NEO1: variants seen among roughly 807,000 people sequenced by gnomAD.
NEO1 encodes the protein neogenin 1, also known as neogenin.
A neutral mutation model predicts 159.7 loss-of-function variants in NEO1; 63 were observed. That is an observed-to-expected ratio of 0.39 (90% CI 0.32 to 0.49). NEO1 has a LOEUF of 0.49. Among genes scored for constraint, NEO1 ranks in the 20% least tolerant of loss-of-function variants. The probability of loss-of-function intolerance (pLI) is 0.85; values close to 1 mark genes in which losing one functional copy is unlikely to be tolerated. For synonymous variants in NEO1, 633 were observed against 662.0 expected, an observed-to-expected ratio of 0.96 and a Z score of 0.67; for missense variants, 1,615 against 1,831.0, an observed-to-expected ratio of 0.88 and a Z score of 2.15.
At chr15:73,078,556 G>A (rs1239752540) in intron 1 of NEO1, among the ~76,000 whole-genome samples, 1 of 152,186 alleles carries the variant, frequency 6.6e-6, no homozygotes, top group Non-Finnish European at 1.5e-5. Flanking sequence ...CTAAATAAGA[G>A]GTCTAACACA....
intron 2 of NEO1, among the ~76,000 whole-genome samples, chr15:73,121,212 C>T (rs983924966): frequency 6.6e-6 from 1 of 152,114 alleles, no homozygotes; most frequent in African/African-American, 2.4e-5. Context: ...GCAGAGTACC[C>T]GCCTGTCCTC....
chr15:73,187,928 T>C (rs746416306), intron 7 of NEO1, among the ~76,000 whole-genome samples: 1 of 152,216 alleles, frequency 6.6e-6, no homozygotes, highest in Admixed American at 6.5e-5. Context: ...GCAATGCTAA[T>C]GAACACAAAT....
Position 73,272,471 on chromosome 15 carries a change from C to A in NEO1, c.2874C>A (p.Pro958=), listed in dbSNP as rs1269462064. ...TTFELVPTSP[P]KDVTVVSKEG... ...ATTTTGTAGTTCCGACTTCTCCACC[C>A]AAGGATGTGACTGTTGTGAGTAAAG... Residue 958 remains proline (P), a synonymous_variant, in exon 19 of 29, where the codon CCC becomes CCA. Coordinates refer to ENST00000261908, the MANE Select transcript of NEO1 (RefSeq NM_002499.4). 1 of 1,613,332 alleles carries A rather than the reference C, an allele frequency of 6.2e-7. No homozygotes were observed. Among genetic ancestry groups the A allele is most frequent in the East Asian group, 2.2e-5 (1 of 44,882 alleles).
intron 7 of NEO1, among the ~76,000 whole-genome samples, chr15:73,185,785 C>T (rs887609228): frequency 2.6e-5 from 4 of 151,982 alleles, no homozygotes; most frequent in Admixed American, 1.3e-4. Flanking sequence ...TACAATGGAA[C>T]GTCATTCATT....
At chr15:73,230,632 C>T (rs939824019) in intron 7 of NEO1, among the ~76,000 whole-genome samples, 1 of 152,080 alleles carries the variant, frequency 6.6e-6, no homozygotes, top group Non-Finnish European at 1.5e-5. Context: ...TCACAATCAC[C>T]CAGGCTGGAC....
intron 1 of NEO1, among the ~76,000 whole-genome samples, chr15:73,113,137 T>G (rs1470230450): frequency 6.6e-6 from 1 of 151,156 alleles, no homozygotes; most frequent in Non-Finnish European, 1.5e-5. Flanking sequence ...ACAAGTGGAG[T>G]CCCTTTACTT....
At chr15:73,269,750 CATTTTA>C (rs948327504) in intron 16 of NEO1, among the ~76,000 whole-genome samples, 2 of 152,104 alleles carry the variant, frequency 1.3e-5, no homozygotes, top group Non-Finnish European at 2.9e-5. Flanking sequence ...TGGATTATAA[CATTTTA>C]ATATGCCTAT....
At chr15:73,157,587 C>T (rs2033874834) in intron 5 of NEO1, among the ~76,000 whole-genome samples, 1 of 152,214 alleles carries the variant, frequency 6.6e-6, no homozygotes. Flanking sequence ...TCCTGATTTT[C>T]AGCCAGTCCT....
intron 1 of NEO1, among the ~76,000 whole-genome samples, chr15:73,069,617 G>A (rs1197753007): frequency 6.6e-6 from 1 of 151,532 alleles, no homozygotes; most frequent in East Asian, 1.9e-4. Context: ...TCTCTGACTA[G>A]ATGATTATAT....
intron 4 of NEO1, among the ~76,000 whole-genome samples, chr15:73,135,410 G>A (rs1337044251): frequency 6.6e-6 from 1 of 152,090 alleles, no homozygotes; most frequent in Non-Finnish European, 1.5e-5. Flanking sequence ...GAAACTTTCA[G>A]TAGGCACTGT....
In NEO1 at chr15:73,084,025, A is replaced by G. The variant is rs142879480; in HGVS notation, c.130+31220A>G. On this transcript the variant is annotated intron_variant, in intron 1 of 28. Coordinates refer to ENST00000261908, the MANE Select transcript of NEO1 (RefSeq NM_002499.4). The stretch of plus-strand genomic sequence containing the variant: ...AAAATTGAATATATTTATTGTGGAC[A>G]ACATAATAATGTTTTAAAATATATA... Among the ~76,000 whole-genome samples the G allele has an allele frequency of 5.3e-5, 8 of 152,136 alleles. No homozygotes were observed. The East Asian group carries it at 1.5e-3, about 29-fold the overall frequency.
rs369836149 is a variant in NEO1, at chr15:73,126,543, A to G, written c.851A>G (p.Lys284Arg). ...CCTACTCCAACCATTAAATGGATGA[A>G]AAATGAGGAGGCACTTGACACAGAA... ...GLPTPTIKWM[K>R]NEEALDTESS... Residue 284 changes from lysine (K) to arginine (R), a missense_variant, in exon 4 of 29, where the codon AAA becomes AGA. This residue lies in a region of NEO1 where 1,018 missense variants were observed against 1,115.4 expected (regional missense o/e 0.91). Transcript: ENST00000261908. 119 of 1,613,610 alleles carry G rather than the reference A, an allele frequency of 7.4e-5. No homozygotes were observed. Among genetic ancestry groups the G allele is most frequent in the Non-Finnish European group, 9.5e-5 (112 of 1,179,868 alleles).
intron 7 of NEO1, among the ~76,000 whole-genome samples, chr15:73,179,517 G>T (rs773368759): frequency 1.3e-5 from 2 of 152,236 alleles, no homozygotes; most frequent in African/African-American, 2.4e-5. Flanking sequence ...AGGGGAAGCT[G>T]CTGGCTATAG....
chr15:73,126,522 C>G lies in NEO1; in HGVS notation c.830C>G (p.Thr277Ser), dbSNP rs760012395. The change falls in exon 4 of 29, where the codon ACT (threonine) becomes AGT (serine). Residue 277 changes from threonine to serine, a missense_variant. Physicochemically the swap from Thr to Ser is moderately conservative, Grantham distance 58. Coordinates refer to ENST00000261908, the MANE Select transcript of NEO1 (RefSeq NM_002499.4). ...VLPCVASGLP[T>S]PTIKWMKNEE... ...CCATGTGTTGCTTCAGGACTTCCTA[C>G]TCCAACCATTAAATGGATGAAAAAT... 1.2e-6 allele frequency: 2 copies of G among 1,613,660 alleles called. No individual in the cohort carries two copies. Among genetic ancestry groups the G allele is most frequent in the Non-Finnish European group, 1.7e-6 (2 of 1,179,924 alleles).
intron 1 of NEO1, among the ~76,000 whole-genome samples, chr15:73,111,667 C>T (rs2070998180): frequency 6.6e-6 from 1 of 152,174 alleles, no homozygotes; most frequent in South Asian, 2.1e-4. Context: ...GTCACCCAGA[C>T]TGGAGTGTAG....
chr15:73,062,419 C>A (rs2068022956), intron 1 of NEO1, among the ~76,000 whole-genome samples: 1 of 151,994 alleles, frequency 6.6e-6, no homozygotes, highest in African/African-American at 2.4e-5. Flanking sequence ...TAATTTAAAA[C>A]TTTATAATTT....
intron 6 of NEO1, 138 bp from the exon 7 acceptor site, chr15:73,178,169 A>C: frequency 2.6e-6 from 2 of 772,418 alleles, no homozygotes; most frequent in South Asian, 3.9e-5. Flanking sequence ...TGAGTTAACA[A>C]GTACTTGGAT....
intron 7 of NEO1, among the ~76,000 whole-genome samples, chr15:73,217,346 T>A (rs1159638363): frequency 2.0e-5 from 3 of 148,654 alleles, no homozygotes; most frequent in Non-Finnish European, 4.5e-5. Context: ...TGTAGTATAG[T>A]TTGAAGTCAG....
chr15:73,058,519 G>C (rs1242674332), intron 1 of NEO1, among the ~76,000 whole-genome samples: 9 of 152,154 alleles, frequency 5.9e-5, no homozygotes, highest in Non-Finnish European at 1.3e-4. Flanking sequence ...AGAATGCTGT[G>C]ATGAACATAT....
Sources: gnomAD v4.1 joint callset for allele counts (sites outside exome capture counted in the v4.1 genomes callset) on GRCh38, gnomAD v4.1.1 for gene constraint, gnomAD v4.1.1 regional missense constraint, MANE v1.5 for transcripts, NCBI Gene and HGNC (gene_info 2026-07-23, HGNC 2026-07-21) for gene names.